Variants in ANKRD30BL observed in about 807,000 individuals in gnomAD.
ANKRD30BL encodes ankyrin repeat domain 30B like.
A neutral mutation model predicts 18.4 loss-of-function variants in ANKRD30BL; 20 were observed. The observed-to-expected ratio is 1.09, with a 90% CI of 0.77 to 1.58. The LOEUF (loss-of-function observed/expected upper bound fraction) is 1.58. Ranked by LOEUF, ANKRD30BL falls within the 40% of genes most tolerant of loss-of-function variation. The pLI is 0.00. For synonymous variants in ANKRD30BL, 72 were observed against 100.9 expected (o/e 0.71, Z 1.72); for missense variants, 224 against 268.6 (o/e 0.83, Z 1.16).
intron 1 of ANKRD30BL, among the ~76,000 whole-genome samples, chr2:132,211,795 T>A (rs62164429): frequency 6.6e-6 from 1 of 151,800 alleles, no homozygotes; most frequent in African/African-American, 2.4e-5. Context: ...TGTGCATTCA[T>A]CTCACAGAGT....
intron 1 of ANKRD30BL, among the ~76,000 whole-genome samples, chr2:132,197,460 G>GA (rs1678991702): frequency 6.6e-6 from 1 of 151,750 alleles, no homozygotes. Context: ...TCATTTTCTA[G>GA]ATTATAATTT....
At chr2:132,234,344 A>G (rs977707851) in intron 1 of ANKRD30BL, among the ~76,000 whole-genome samples, 3 of 152,134 alleles carry the variant, frequency 2.0e-5, no homozygotes, top group African/African-American at 7.2e-5. Context: ...ATCAGAGCAG[A>G]ACTGAAGGAA....
At chr2:132,217,626 A>C (rs1679544459) in intron 1 of ANKRD30BL, among the ~76,000 whole-genome samples, 1 of 152,254 alleles carries the variant, frequency 6.6e-6, no homozygotes, top group Non-Finnish European at 1.5e-5. Context: ...ACTAGATAGA[A>C]GTTTTCTCAG....
intron 1 of ANKRD30BL, among the ~76,000 whole-genome samples, chr2:132,253,689 C>G (rs538526919): frequency 1.8e-4 from 27 of 152,056 alleles, no homozygotes; most frequent in African/African-American, 6.3e-4. Flanking sequence ...CCCTCCTGAA[C>G]GGACTCCACT....
chr2:132,228,292 A>C (rs1441697246), intron 1 of ANKRD30BL, among the ~76,000 whole-genome samples: 1 of 151,790 alleles, frequency 6.6e-6, no homozygotes. Flanking sequence ...AATTCGGAGA[A>C]GCTTCTTTGG....
intron 1 of ANKRD30BL, among the ~76,000 whole-genome samples, chr2:132,221,203 GC>G (rs1399584637): frequency 5.2e-5 from 7 of 134,600 alleles, no homozygotes; most frequent in South Asian, 2.3e-4. Context: ...GGGGGGGTCA[GC>G]CCCCCGCCCG....
Position 132,178,470 on chromosome 2 carries a change from C to T in ANKRD30BL, n.442-21324G>A, listed in dbSNP as rs550231105. Among the ~76,000 whole-genome samples, 49 of 152,218 alleles carry T rather than the reference C, an allele frequency of 3.2e-4. No individual in the cohort carries two copies. The South Asian group carries it at 9.8e-3, about 30-fold the overall frequency. On this transcript the variant is annotated intron_variant and non_coding_transcript_variant, in intron 1 of 4. Transcript: ENST00000470729. ...GTAGTTAGAATGTGTTGGCTCTATT[C>T]ATGAAACAATGAATTCCATATGTCT...
chr2:132,187,194 T>TGG (rs1558924523), intron 1 of ANKRD30BL, among the ~76,000 whole-genome samples: 1 of 141,134 alleles, frequency 7.1e-6, no homozygotes, highest in African/African-American at 2.7e-5. Context: ...GTTTGTTTTT[T>TGG]TTTTTTTTTT....
intron 1 of ANKRD30BL, among the ~76,000 whole-genome samples, chr2:132,252,943 C>T (rs1306813888): frequency 6.6e-6 from 1 of 152,170 alleles, no homozygotes; most frequent in Non-Finnish European, 1.5e-5. Context: ...CTCTCTCTTC[C>T]TCACAGCCGG....
At chr2:132,222,931 G>C (rs962031734) in intron 1 of ANKRD30BL, among the ~76,000 whole-genome samples, 6 of 148,652 alleles carry the variant, frequency 4.0e-5, no homozygotes, top group African/African-American at 1.5e-4. Context: ...GGTGGAAAAG[G>C]AAATATGTTC....
In ANKRD30BL at chr2:132,161,614, G is replaced by A; in HGVS notation, c.92C>T (p.Ser31Phe). ...GAGATCCCCATGGTGAATCACGTAA[G>A]AGTCGTTGTTGGTGTAGACCAGCTG... ...FSQLVYTNND[S>F]YVIHHGDLRK... The change falls in exon 1 of 6, where the codon TCT (serine) becomes TTT (phenylalanine). Residue 31 changes from serine to phenylalanine, a missense_variant. Coordinates refer to ENST00000409867, the MANE Select transcript of ANKRD30BL (RefSeq NM_001358416.1). The A allele has an allele frequency of 1.4e-6, 2 of 1,453,606 alleles. No individual in the cohort carries two copies. Among genetic ancestry groups the A allele is most frequent in the Middle Eastern group, 2.4e-4 (1 of 4,188 alleles). 90.0% of individuals were successfully genotyped at this position (1,453,606 alleles called of 1,614,324 possible).
At chr2:132,193,634 C>T (rs1422558497) in intron 1 of ANKRD30BL, among the ~76,000 whole-genome samples, 2 of 152,188 alleles carry the variant, frequency 1.3e-5, no homozygotes, top group African/African-American at 2.4e-5. Context: ...GAGAAACGTT[C>T]TAAAGATGCA....
upstream of ANKRD30BL, among the ~76,000 whole-genome samples, chr2:132,164,520 G>T (rs1166089148): frequency 2.3e-4 from 35 of 151,618 alleles, 1 homozygote; most frequent in Admixed American, 2.2e-3. Context: ...CAAACTCCCA[G>T]CCTCAGGTGA....
chr2:132,250,379 A>G (rs530400651), intron 1 of ANKRD30BL, among the ~76,000 whole-genome samples: 6 of 152,378 alleles, frequency 3.9e-5, no homozygotes, highest in African/African-American at 1.4e-4. Context: ...ATCCCTTTGC[A>G]GATTGTACAA....
At chr2:132,173,417 A>G (rs992825530) in intron 1 of ANKRD30BL, among the ~76,000 whole-genome samples, 2 of 150,526 alleles carry the variant, frequency 1.3e-5, no homozygotes, top group East Asian at 2.0e-4. Flanking sequence ...CTCCTACCTC[A>G]GCATCCTAAG....
At chr2:132,159,347 G>T (rs928696760) in intron 1 of ANKRD30BL, among the ~76,000 whole-genome samples, 3 of 152,050 alleles carry the variant, frequency 2.0e-5, no homozygotes, top group Non-Finnish European at 4.4e-5. Flanking sequence ...TATTTGAAAA[G>T]TTATCTGCAA....
At chr2:132,183,578 G>C (rs948552026) in intron 1 of ANKRD30BL, among the ~76,000 whole-genome samples, 3 of 152,078 alleles carry the variant, frequency 2.0e-5, no homozygotes, top group South Asian at 2.1e-4. Context: ...TAATGTGAGA[G>C]AGACTAGAAG....
chr2:132,224,383 C>T (rs1325666772), intron 1 of ANKRD30BL, among the ~76,000 whole-genome samples: 6 of 151,664 alleles, frequency 4.0e-5, no homozygotes, highest in Non-Finnish European at 5.9e-5. Context: ...TTGAACATAC[C>T]ATTTCATAGA....
At chr2:132,231,415 C>A (rs2104783078) in intron 1 of ANKRD30BL, among the ~76,000 whole-genome samples, 1 of 152,316 alleles carries the variant, frequency 6.6e-6, no homozygotes, top group Non-Finnish European at 1.5e-5. Context: ...TTCTGCCTTT[C>A]CATCTGAGGT....
Sources: gnomAD v4.1 joint callset for allele counts (sites outside exome capture counted in the v4.1 genomes callset) on GRCh38, gnomAD v4.1.1 for gene constraint, MANE v1.5 for transcripts, NCBI Gene and HGNC (gene_info 2026-07-23, HGNC 2026-07-21) for gene names.